Variants in ERICH3 observed in about 807,000 individuals in gnomAD.
The protein encoded by ERICH3 is glutamate-rich protein 3.
ERICH3 carries 126 observed loss-of-function variants against 131.1 expected under a neutral mutation model. The ratio of observed to expected loss-of-function variants is 0.96; its 90% CI spans 0.83 to 1.11. The LOEUF is 1.11. Ranked by LOEUF, ERICH3 falls within the 50% of genes most tolerant of loss-of-function variation. The pLI is 0.00. For synonymous variants in ERICH3, 695 were observed against 644.6 expected, an observed-to-expected ratio of 1.08 and a Z score of -1.18; for missense variants, 2,050 against 1,810.7, an observed-to-expected ratio of 1.13 and a Z score of -2.40.
At chr1:74,638,625 T>C (rs1033582048) in intron 5 of ERICH3, among the ~76,000 whole-genome samples, 1 of 152,202 alleles carries the variant, frequency 6.6e-6, no homozygotes, top group Non-Finnish European at 1.5e-5. Flanking sequence ...ACTGGGAACA[T>C]GGTTATTATG....
rs149918594 is a variant in ERICH3, at chr1:74,606,224, A to T, written c.1489+377T>A. On this transcript the variant is annotated intron_variant, in intron 10 of 14. Coordinates refer to ENST00000326665, the MANE Select transcript of ERICH3 (RefSeq NM_001002912.5). The stretch of plus-strand genomic sequence containing the variant: ...CCATATAATCATATAGGTTGTACCT[A>T]CCTGATGTCAAAGCAATTCATCAAT... Among the ~76,000 whole-genome samples the T allele has an allele frequency of 5.5e-4, 83 of 152,110 alleles. No homozygotes were observed. The East Asian group carries it at 0.014, about 26-fold the overall frequency.
Position 74,599,680 on chromosome 1 carries a change from A to T in ERICH3, c.1726+15T>A. 1 of 1,577,480 alleles carries T rather than the reference A, an allele frequency of 6.3e-7. No individual in the cohort carries two copies. Among genetic ancestry groups the T allele is most frequent in the Non-Finnish European group, 8.6e-7 (1 of 1,157,460 alleles). On this transcript the variant is annotated intron_variant, in intron 11 of 14. Coordinates refer to ENST00000326665, the MANE Select transcript of ERICH3 (RefSeq NM_001002912.5). Reference sequence around the variant, plus strand: ...AGTAAACAGCCTATGTTACATGATAAGCTGAACAACTCGCCTTGTTTATCC... The same window carrying T: ...AGTAAACAGCCTATGTTACATGATATGCTGAACAACTCGCCTTGTTTATCC...
At chr1:74,575,965 T>C (rs969231447) in intron 13 of ERICH3, among the ~76,000 whole-genome samples, 4 of 152,162 alleles carry the variant, frequency 2.6e-5, no homozygotes, top group South Asian at 4.1e-4. Context: ...GAAAAAATAT[T>C]TAATATAAGA....
intron 13 of ERICH3, 102 bp from the exon 14 acceptor site, chr1:74,573,593 A>G: frequency 7.8e-7 from 1 of 1,277,988 alleles, no homozygotes; most frequent in Non-Finnish European, 1.0e-6. Context: ...TGAGATATTT[A>G]TATGTGATAT....
At chr1:74,666,051 T>C (rs1646689018) in intron 1 of ERICH3, among the ~76,000 whole-genome samples, 1 of 152,094 alleles carries the variant, frequency 6.6e-6, no homozygotes, top group African/African-American at 2.4e-5. Flanking sequence ...AGATCATTGA[T>C]GACCATCAAA....
chr1:74,646,889 G>GACACACACACACAC (rs141577300), intron 2 of ERICH3, 97 bp from the exon 3 acceptor site: 3 of 247,748 alleles, frequency 1.2e-5, no homozygotes, highest in Admixed American at 5.6e-5. Context: ...AAGACAGACA[G>GACACACACACACAC]ACACACACAC....
rs1646972354 is a variant in ERICH3 at position 74,572,529 on chromosome 1, T to C, written c.3181A>G (p.Arg1061Gly). 6.2e-7 allele frequency: 1 copy of C among 1,614,134 alleles called. No individual in the cohort carries two copies. The highest frequency in any genetic ancestry group is 8.5e-7 in the Non-Finnish European group (1 of 1,180,030). ...GATGTTTTTGGCCTCTCAGCTTTCC[T>C]TCGCTCTCTTGCTAAATCTAATTCC... is the stretch of plus-strand genomic sequence containing the variant. ...PKELDLARER[R>G]KAERPKTSLR... Residue 1061 changes from arginine to glycine, a missense_variant, in exon 14 of 15, where the codon AGG (arginine) becomes GGG (glycine). Physicochemically the swap from Arg to Gly is moderately radical, Grantham distance 125. Transcript: ENST00000326665.
intron 1 of ERICH3, among the ~76,000 whole-genome samples, chr1:74,664,954 T>C (rs1465083916): frequency 6.6e-6 from 1 of 152,218 alleles, no homozygotes. Context: ...ACTTTTGGCT[T>C]CAAATCTCCA....
chr1:74,662,339 AAAG>A (rs1480978902), intron 1 of ERICH3, among the ~76,000 whole-genome samples: 7 of 152,152 alleles, frequency 4.6e-5, no homozygotes, highest in African/African-American at 7.2e-5. Context: ...GACTGAAAGG[AAAG>A]AAGAACTATG....
intron 5 of ERICH3, among the ~76,000 whole-genome samples, chr1:74,640,265 C>T (rs1191801500): frequency 6.6e-6 from 1 of 152,042 alleles, no homozygotes; most frequent in African/African-American, 2.4e-5. Flanking sequence ...TTTTGAGAGT[C>T]TAGTGAATTT....
chr1:74,616,612 C>T (rs745949409), intron 8 of ERICH3, among the ~76,000 whole-genome samples: 11 of 152,084 alleles, frequency 7.2e-5, no homozygotes, highest in East Asian at 1.9e-4. Context: ...CCACTGTAGT[C>T]GGCTGAATTG....
rs770172835 is a variant in ERICH3 at position 74,643,065 on chromosome 1, C to T, written c.277G>A (p.Glu93Lys). Residue 93 changes from glutamate to lysine, a missense_variant, in exon 4 of 15, where the codon GAG becomes AAG. By Grantham distance (56) the Glu-to-Lys change is moderately conservative. Transcript: ENST00000326665. ...YHQLEIKKKL[E>K]TLARKERIQR... ...ATTCGCTCCTTCCTAGCTAAGGTCT[C>T]CAATTTCTTTTTTATTTCAAGCTGA... 1 of 1,611,068 alleles carries T rather than the reference C, an allele frequency of 6.2e-7. No homozygotes were observed. Among genetic ancestry groups the T allele is most frequent in the African/African-American group, 1.3e-5 (1 of 74,752 alleles).
At chr1:74,642,840 T>G (rs1446197538) in intron 4 of ERICH3, among the ~76,000 whole-genome samples, 187 bp downstream of exon 4, 1 of 152,136 alleles carries the variant, frequency 6.6e-6, no homozygotes, top group African/African-American at 2.4e-5. Context: ...TACAAACAGC[T>G]CCTATATTTG....
chr1:74,597,326 A>G (rs868498493), intron 11 of ERICH3, among the ~76,000 whole-genome samples: 2 of 152,048 alleles, frequency 1.3e-5, no homozygotes, highest in African/African-American at 4.8e-5. Flanking sequence ...AAAAAAAACC[A>G]TAATCAGCAA....
At chr1:74,657,594 T>C (rs546343208) in intron 1 of ERICH3, among the ~76,000 whole-genome samples, 1 of 152,188 alleles carries the variant, frequency 6.6e-6, no homozygotes, top group Non-Finnish European at 1.5e-5. Flanking sequence ...ATTCTAACAA[T>C]GAAGCCAGAT....
upstream of ERICH3, chr1:74,673,811 G>A (rs557773941): frequency 1.4e-5 from 5 of 364,458 alleles, no homozygotes; most frequent in South Asian, 4.5e-4. Context: ...GCCTGCGGAA[G>A]CTGGAAGTGA....
At chr1:74,613,291 A>C (rs699850) in intron 8 of ERICH3, among the ~76,000 whole-genome samples, 9,129 of 152,296 alleles carry the variant, frequency 0.06, 343 homozygotes, top group South Asian at 0.13. Context: ...TGTGGCAGGC[A>C]TTATGCCTTA....
At chr1:74,604,244 C>G (rs1410597721) in intron 10 of ERICH3, among the ~76,000 whole-genome samples, 2 of 151,826 alleles carry the variant, frequency 1.3e-5, no homozygotes, top group Admixed American at 1.3e-4. Context: ...TGCAAAAATT[C>G]AATCTCATCT....
intron 12 of ERICH3, chr1:74,579,796 C>CAGGA: frequency 1.0e-6 from 1 of 985,320 alleles, no homozygotes; most frequent in Non-Finnish European, 1.2e-6. Flanking sequence ...TCCCCTAAGG[C>CAGGA]TCCTGTCTTT....
Sources: gnomAD v4.1 joint callset for allele counts (sites outside exome capture counted in the v4.1 genomes callset) on GRCh38, gnomAD v4.1.1 for gene constraint, MANE v1.5 for transcripts, NCBI Gene and HGNC (gene_info 2026-07-23, HGNC 2026-07-21) for gene names.